STXBP6: variants seen among roughly 807,000 people sequenced by gnomAD.
STXBP6 encodes syntaxin binding protein 6, also known as syntaxin-binding protein 6.
STXBP6 carries 21 observed loss-of-function variants against 26.9 expected under a neutral mutation model. That is an observed-to-expected ratio of 0.78 (90% confidence interval 0.55 to 1.12). The LOEUF is 1.12. Ranked by LOEUF, STXBP6 falls within the 50% of genes most tolerant of loss-of-function variation. STXBP6 has a pLI of 0.00. For missense variants in STXBP6, 232 were observed against 257.9 expected (o/e 0.90, Z 0.69); for synonymous variants, 97 against 92.6 (o/e 1.05, Z -0.27).
chr14:24,990,865 G>A (rs61978837), intron 1 of STXBP6, among the ~76,000 whole-genome samples: 18,118 of 151,382 alleles, frequency 0.12, 1,224 homozygotes, highest in African/African-American at 0.19. Flanking sequence ...GAGAAGAGGA[G>A]GGAGAGAGAG....
chr14:24,986,100 CATG>C (rs1178067165), intron 1 of STXBP6, among the ~76,000 whole-genome samples: 4 of 152,156 alleles, frequency 2.6e-5, no homozygotes, highest in African/African-American at 9.7e-5. Context: ...AAAGAGAAAA[CATG>C]ATTAATCACA....
chr14:24,912,349 C>T (rs1323636506), intron 2 of STXBP6, among the ~76,000 whole-genome samples: 1 of 148,536 alleles, frequency 6.7e-6, no homozygotes, highest in Non-Finnish European at 1.5e-5. Flanking sequence ...TAAAAGGTAT[C>T]TTGAATGGAT....
intron 1 of STXBP6, among the ~76,000 whole-genome samples, chr14:25,031,990 A>G (rs2075465115): frequency 6.6e-6 from 1 of 152,182 alleles, no homozygotes; most frequent in South Asian, 2.1e-4. Flanking sequence ...GAAGGTGGGG[A>G]GTGGAAAATA....
At chr14:24,997,189 C>T (rs1401389522) in intron 1 of STXBP6, among the ~76,000 whole-genome samples, 1 of 152,080 alleles carries the variant, frequency 6.6e-6, no homozygotes, top group African/African-American at 2.4e-5. Context: ...TTTCTATGTG[C>T]GTAGCCCTCA....
intron 2 of STXBP6, among the ~76,000 whole-genome samples, chr14:24,888,481 T>C (rs1470048513): frequency 6.6e-6 from 1 of 152,128 alleles, no homozygotes; most frequent in African/African-American, 2.4e-5. Context: ...CCCACCATTT[T>C]GGGAGGCCGA....
intron 2 of STXBP6, among the ~76,000 whole-genome samples, chr14:24,869,507 T>C (rs1197868641): frequency 1.3e-5 from 2 of 152,216 alleles, no homozygotes; most frequent in East Asian, 1.9e-4. Flanking sequence ...AGGCATGGCC[T>C]TGATGAAGAT....
chr14:24,889,884 C>T (rs189947254), intron 2 of STXBP6, among the ~76,000 whole-genome samples: 9 of 152,340 alleles, frequency 5.9e-5, no homozygotes, highest in Admixed American at 3.9e-4. Flanking sequence ...GCTAAAGAAG[C>T]ACACTTGAAG....
chr14:24,812,533 T>G lies in STXBP6; in HGVS notation c.*176A>C. The G allele has an allele frequency of 1.6e-6, 1 of 626,018 alleles. No homozygotes were observed. The highest frequency in any genetic ancestry group is 2.8e-6 in the Non-Finnish European group (1 of 360,736). 38.8% of individuals were successfully genotyped at this position (626,018 alleles called of 1,614,324 possible). On this transcript the variant is annotated 3_prime_UTR_variant, in exon 6 of 6. Coordinates refer to ENST00000323944, the MANE Select transcript of STXBP6 (RefSeq NM_001394410.1). Reference sequence around the variant, plus strand: ...TTTATTAGCAAGATCATTAGGGAAATGTAAAAATGCAACACCCTTTCTTTC... The same window carrying G: ...TTTATTAGCAAGATCATTAGGGAAAGGTAAAAATGCAACACCCTTTCTTTC...
intron 1 of STXBP6, among the ~76,000 whole-genome samples, chr14:24,975,902 T>C (rs1370518140): frequency 6.6e-6 from 1 of 152,196 alleles, no homozygotes; most frequent in Non-Finnish European, 1.5e-5. Flanking sequence ...TAATAATGAA[T>C]AGATATTTGT....
At chr14:24,972,397 C>A (rs2073930635) in intron 2 of STXBP6, among the ~76,000 whole-genome samples, 1 of 152,150 alleles carries the variant, frequency 6.6e-6, no homozygotes, top group African/African-American at 2.4e-5. Flanking sequence ...ATCACTCTTG[C>A]AGGCTTCATG....
Position 24,875,431 on chromosome 14 carries a change from C to T in STXBP6, c.155-18274G>A, listed in dbSNP as rs901809162. On this transcript the variant is annotated intron_variant, in intron 2 of 5. Transcript: ENST00000323944. ...CTATTCATTTTAAACGTCCAACACACAAAGAATCTTCAACTCTTTATGTCC... is the reference window on the plus strand; with the variant it reads ...CTATTCATTTTAAACGTCCAACACATAAAGAATCTTCAACTCTTTATGTCC... 9.3e-4 allele frequency among the ~76,000 whole-genome samples: 142 copies of T among 152,182 alleles called. 13 individuals carry two copies. Among genetic ancestry groups the T allele is most frequent in the Non-Finnish European group, 2.9e-5 (2 of 68,040 alleles).
At chr14:24,945,404 AAAAT>A (rs1490218316) in intron 2 of STXBP6, among the ~76,000 whole-genome samples, 6 of 151,878 alleles carry the variant, frequency 4.0e-5, no homozygotes, top group Admixed American at 3.3e-4. Flanking sequence ...GTCTTTATAA[AAAAT>A]AAATAAATAA....
At chr14:25,003,123 A>T (rs2140340301) in intron 1 of STXBP6, among the ~76,000 whole-genome samples, 1 of 152,358 alleles carries the variant, frequency 6.6e-6, no homozygotes, top group South Asian at 2.1e-4. Context: ...AACTGACAAA[A>T]GAAGCAAGAA....
At chr14:24,983,900 T>C (rs1193224458) in intron 1 of STXBP6, among the ~76,000 whole-genome samples, 2 of 152,250 alleles carry the variant, frequency 1.3e-5, no homozygotes, top group Non-Finnish European at 2.9e-5. Context: ...GAAACAAGTT[T>C]ATATGCTTTC....
At chr14:24,921,843 C>T (rs975344450) in intron 2 of STXBP6, among the ~76,000 whole-genome samples, 2 of 145,358 alleles carry the variant, frequency 1.4e-5, no homozygotes, top group Non-Finnish European at 3.0e-5. Flanking sequence ...CTTACTTTCA[C>T]ATTTCAGCTA....
At chr14:24,965,688 A>G (rs990593211) in intron 2 of STXBP6, among the ~76,000 whole-genome samples, 2 of 152,190 alleles carry the variant, frequency 1.3e-5, no homozygotes, top group Non-Finnish European at 2.9e-5. Flanking sequence ...CTGAATTTCA[A>G]AGACATGAAG....
intron 1 of STXBP6, among the ~76,000 whole-genome samples, chr14:25,018,354 A>C (rs906928723): frequency 2.6e-5 from 4 of 152,156 alleles, no homozygotes; most frequent in Non-Finnish European, 5.9e-5. Flanking sequence ...GGTAAACTAG[A>C]GTTATCCCTA....
intron 4 of STXBP6, among the ~76,000 whole-genome samples, chr14:24,854,463 C>T (rs1354651448): frequency 3.3e-5 from 5 of 152,092 alleles, no homozygotes; most frequent in Non-Finnish European, 7.4e-5. Flanking sequence ...AGACTCTGTG[C>T]TTACATGCTA....
intron 2 of STXBP6, among the ~76,000 whole-genome samples, chr14:24,969,246 A>C (rs2140168102): frequency 6.6e-6 from 1 of 152,352 alleles, no homozygotes; most frequent in Admixed American, 6.5e-5. Flanking sequence ...TGTACTAATC[A>C]CAAAAATTAA....
Sources: allele counts gnomAD v4.1 joint callset (sites outside exome capture counted in the v4.1 genomes callset), GRCh38; gene constraint gnomAD v4.1.1; transcripts MANE v1.5; gene names NCBI Gene and HGNC (gene_info 2026-07-23, HGNC 2026-07-21).